STK32A: variants seen among roughly 807,000 people sequenced by gnomAD.
STK32A encodes serine/threonine-protein kinase 32A.
A neutral mutation model predicts 53.2 loss-of-function variants in STK32A; 41 were observed. That is an observed-to-expected ratio of 0.77 (90% CI 0.60 to 1.00). The LOEUF is 1.00. STK32A is among the 50% of genes least tolerant of loss of function. The pLI, the probability that STK32A is intolerant of heterozygous loss-of-function variation, is 0.00. For synonymous variants in STK32A, 166 were observed against 162.8 expected (o/e 1.02, Z -0.15); for missense variants, 458 against 485.8 (o/e 0.94, Z 0.54).
At chr5:147,250,718 G>A (rs1753951410) in intron 2 of STK32A, among the ~76,000 whole-genome samples, 1 of 152,110 alleles carries the variant, frequency 6.6e-6, no homozygotes, top group African/African-American at 2.4e-5. Flanking sequence ...GAGGTGAGCA[G>A]ATCACAAGGT....
At chr5:147,314,724 C>A (rs1753902957) in intron 4 of STK32A, among the ~76,000 whole-genome samples, 1 of 146,930 alleles carries the variant, frequency 6.8e-6, no homozygotes, top group South Asian at 2.1e-4. Context: ...CATTTCATAC[C>A]TATTGCTTTC....
the STK32A span, among the ~76,000 whole-genome samples, chr5:147,398,584 A>T: frequency 6.6e-6 from 1 of 152,196 alleles, no homozygotes; most frequent in Non-Finnish European, 1.5e-5. Context: ...CTGCACTTTA[A>T]TTATCATCCT....
intron 4 of STK32A, among the ~76,000 whole-genome samples, chr5:147,280,380 A>G (rs982197540): frequency 2.4e-5 from 3 of 126,184 alleles, no homozygotes; most frequent in Non-Finnish European, 4.7e-5. Context: ...TTGCTTCTCT[A>G]CTTAGAAACA....
In STK32A at chr5:147,349,475, T is replaced by A. The variant is rs115588694; in HGVS notation, c.473-1590T>A. Among the ~76,000 whole-genome samples the A allele has an allele frequency of 1.7e-3, 264 of 152,314 alleles. 1 individual carries two copies. Among genetic ancestry groups the A allele is most frequent in the African/African-American group, 6.2e-3 (256 of 41,590 alleles). On this transcript the variant is annotated intron_variant, in intron 6 of 12. Coordinates refer to ENST00000397936, the MANE Select transcript of STK32A (RefSeq NM_001112724.2). ...ACACTTCAAGATTCTCTGAAAGCAGTTGACTGTCATGCCAACAGCTAACAT... is the reference window on the plus strand; with the variant it reads ...ACACTTCAAGATTCTCTGAAAGCAGATGACTGTCATGCCAACAGCTAACAT...
intron 4 of STK32A, among the ~76,000 whole-genome samples, chr5:147,309,323 A>G (rs1753575529): frequency 6.6e-6 from 1 of 152,194 alleles, no homozygotes; most frequent in African/African-American, 2.4e-5. Flanking sequence ...GAGGCCATCC[A>G]CTGAGAATGA....
intron 7 of STK32A, among the ~76,000 whole-genome samples, chr5:147,357,952 A>G (rs750732374): frequency 2.8e-4 from 43 of 152,096 alleles, no homozygotes; most frequent in African/African-American, 9.7e-4. Flanking sequence ...AGGTTAATAC[A>G]TGGGATGCGG....
intron 8 of STK32A, 40 bp from the exon 9 acceptor site, chr5:147,370,614 C>A: frequency 7.4e-7 from 1 of 1,347,438 alleles, no homozygotes; most frequent in Non-Finnish European, 1.0e-6. Context: ...TTTCTTTTGT[C>A]CTATACAAAT....
intron 2 of STK32A, among the ~76,000 whole-genome samples, chr5:147,253,558 G>A (rs1226696408): frequency 6.6e-6 from 1 of 152,210 alleles, no homozygotes; most frequent in African/African-American, 2.4e-5. Context: ...GTTTCACCAT[G>A]TTGGCCAGGC....
At chr5:147,286,456 C>T (rs116161750) in intron 4 of STK32A, among the ~76,000 whole-genome samples, 363 of 152,232 alleles carry the variant, frequency 2.4e-3, no homozygotes, top group African/African-American at 7.1e-3. Context: ...TTTAGTCGGA[C>T]TTAGCCAGCT....
chr5:147,352,048 A>C (rs1483283504), intron 7 of STK32A, among the ~76,000 whole-genome samples: 1 of 152,116 alleles, frequency 6.6e-6, no homozygotes, highest in Non-Finnish European at 1.5e-5. Flanking sequence ...TCTTCTGTTT[A>C]AAGATAAGGA....
At chr5:147,353,803 C>G (rs1756097300) in intron 7 of STK32A, among the ~76,000 whole-genome samples, 1 of 152,032 alleles carries the variant, frequency 6.6e-6, no homozygotes, top group South Asian at 2.1e-4. Context: ...CCTACTCATG[C>G]TTTACCCTAA....
chr5:147,351,224 G>T lies in STK32A; in HGVS notation c.562+70G>T, dbSNP rs1291713452. The T allele has an allele frequency of 3.0e-6, 4 of 1,346,738 alleles. No homozygotes were observed. The African/African-American group carries it at 5.8e-5, about 20-fold the overall frequency. The allele number at this position is 1,346,738 out of a possible 1,614,324, so 83.4% of individuals were successfully genotyped here. On this transcript the variant is annotated intron_variant, in intron 7 of 12. Transcript: ENST00000397936. Reference sequence around the variant, plus strand: ...CCATTTATTACAGGTGGAATCATCTGTGGGGATTTGCAGCTAGAACTGGTA... The same window carrying T: ...CCATTTATTACAGGTGGAATCATCTTTGGGGATTTGCAGCTAGAACTGGTA...
the STK32A span, chr5:147,397,929 T>C: frequency 1.5e-6 from 2 of 1,354,890 alleles, no homozygotes; most frequent in Non-Finnish European, 2.0e-6. Context: ...TTCAGTGTCA[T>C]TTGCTGCTGA....
chr5:147,364,817 C>G (rs898314794), intron 8 of STK32A, among the ~76,000 whole-genome samples: 10 of 152,124 alleles, frequency 6.6e-5, no homozygotes, highest in Admixed American at 6.6e-4. Context: ...GCTTCATCTC[C>G]AAATACCATC....
chr5:147,279,447 G>A, intron 4 of STK32A, 49 bp downstream of exon 4: 1 of 1,513,442 alleles, frequency 6.6e-7, no homozygotes, highest in East Asian at 2.5e-5. Context: ...TGTTATCGGT[G>A]GGCTAGGGGA....
At chr5:147,379,631 A>G (rs1581157337) in intron 11 of STK32A, among the ~76,000 whole-genome samples, 1 of 152,032 alleles carries the variant, frequency 6.6e-6, no homozygotes, top group Admixed American at 6.6e-5. Flanking sequence ...CCTCCACTTT[A>G]TCTTGCTCTG....
the STK32A span, chr5:147,393,460 C>T: frequency 1.3e-5 from 2 of 152,716 alleles, no homozygotes; most frequent in African/African-American, 2.4e-5. Flanking sequence ...GACTGCCTGC[C>T]TTCTCGGCAG....
At chr5:147,395,755 C>T in the STK32A span, 2 of 1,610,824 alleles carry the variant, frequency 1.2e-6, no homozygotes, top group Non-Finnish European at 1.7e-6. Context: ...ACCATTCATT[C>T]ATTCAGCATT....
the STK32A span, chr5:147,394,220 A>G: frequency 8.0e-7 from 1 of 1,242,562 alleles, no homozygotes; most frequent in East Asian, 2.4e-5. Context: ...TTAAGAGTGC[A>G]AGATATGAAG....
Sources: allele counts gnomAD v4.1 joint callset (sites outside exome capture counted in the v4.1 genomes callset), GRCh38; gene constraint gnomAD v4.1.1; transcripts MANE v1.5; gene names NCBI Gene and HGNC (gene_info 2026-07-23, HGNC 2026-07-21).